Variants in IFT122 observed in about 807,000 individuals in gnomAD.
The protein encoded by IFT122 is intraflagellar transport 122, also known as intraflagellar transport protein 122 homolog.
Under a neutral mutation model 161.6 loss-of-function variants are expected in IFT122, and 118 were observed. The ratio of observed to expected loss-of-function variants is 0.73; its 90% CI spans 0.63 to 0.85. IFT122 has a LOEUF of 0.85. Ranked by LOEUF, IFT122 falls within the 40% of genes least tolerant of loss-of-function variation. The pLI, the probability that IFT122 is intolerant of heterozygous loss-of-function variation, is 0.00. For missense variants in IFT122, 1,381 were observed against 1,579.6 expected, an observed-to-expected ratio of 0.87 and a Z score of 2.13; for synonymous variants, 550 against 602.4, an observed-to-expected ratio of 0.91 and a Z score of 1.27.
At position 129,470,294 on chromosome 3, in the gene IFT122, C is replaced by T. The variant is rs536001322; in HGVS notation, c.816+877C>T. On this transcript the variant is annotated intron_variant, in intron 9 of 29. Coordinates refer to ENST00000348417, the MANE Select transcript of IFT122 (RefSeq NM_052989.3). The stretch of plus-strand genomic sequence containing the variant: ...TTTAATTTTTTTCGAGATGGAGTCT[C>T]ACTCTGTGGCCCAGGCTGGAGTGCA... 4.8e-3 allele frequency among the ~76,000 whole-genome samples: 727 copies of T among 151,968 alleles called. 3 individuals are homozygous for T. Among genetic ancestry groups the T allele is most frequent in the South Asian group, 0.011 (53 of 4,802 alleles).
chr3:129,512,416 T>G lies in IFT122; in HGVS notation c.2987+4T>G, dbSNP rs369210882. 6 of 1,583,968 alleles carry G rather than the reference T, an allele frequency of 3.8e-6. No homozygotes were observed. The highest frequency in any genetic ancestry group is 5.2e-6 in the Non-Finnish European group (6 of 1,152,556). On this transcript the variant is annotated splice_donor_region_variant and intron_variant, in intron 24 of 29. Coordinates refer to ENST00000348417, the MANE Select transcript of IFT122 (RefSeq NM_052989.3). The stretch of plus-strand genomic sequence containing the variant: ...CCCCCTCGGGCATCTCTAAAGTGTA[T>G]CCTTTCTCTTATCCCTCCTCCGTCC...
rs200474182 is a variant in IFT122 at position 129,495,563 on chromosome 3, G to A, written c.2164G>A (p.Ala722Thr). ...LYKRSGHENL[A>T]LEMYTDLCMF... ...CAAGAGGAGTGGGCACGAGAACCTCGCGCTTGAAATGTACACCGACCTCTG... is the reference window on the plus strand; with the variant it reads ...CAAGAGGAGTGGGCACGAGAACCTCACGCTTGAAATGTACACCGACCTCTG... Residue 722 changes from alanine to threonine, a missense_variant, in exon 18 of 30, where the codon GCG becomes ACG. Coordinates refer to ENST00000348417, the MANE Select transcript of IFT122 (RefSeq NM_052989.3). 57 of 1,614,162 alleles carry A rather than the reference G, an allele frequency of 3.5e-5. No homozygotes were observed. Among genetic ancestry groups the A allele is most frequent in the Non-Finnish European group, 4.7e-5 (56 of 1,180,036 alleles).
Position 129,464,794 on chromosome 3 carries a change from T to A in IFT122, c.563+13T>A, listed in dbSNP as rs766644614. ...GGAACCCTTCAAGGTACTCTTAAAG[T>A]TGTCCTCCTTCTAGAACAAACACCA... On this transcript the variant is annotated intron_variant, in intron 7 of 29. Transcript: ENST00000348417. 6.2e-7 allele frequency: 1 copy of A among 1,614,078 alleles called. No individual in the cohort carries two copies. Among genetic ancestry groups the A allele is most frequent in the African/African-American group, 1.3e-5 (1 of 75,052 alleles).
chr3:129,500,650 G>A (rs2081412364), intron 19 of IFT122, among the ~76,000 whole-genome samples: 1 of 152,228 alleles, frequency 6.6e-6, no homozygotes, highest in African/African-American at 2.4e-5. Context: ...AGAATTCCAA[G>A]AGGTAAATAG....
rs904540094 is a variant in IFT122 at position 129,449,943 on chromosome 3, A to AT, written c.108+10dup. ...CTGCCGGAAGCAGATTACTGGTAGG[A>AT]TTTTGTCTTAGTTTCCTCTTAAAGT... On this transcript the variant is annotated splice_region_variant and intron_variant, in intron 2 of 29. Transcript: ENST00000348417. The AT allele has an allele frequency of 5.6e-6, 9 of 1,599,386 alleles. No homozygotes were observed. Among genetic ancestry groups the AT allele is most frequent in the Middle Eastern group, 1.7e-4 (1 of 6,026 alleles).
chr3:129,488,492 T>C (rs569004008), intron 16 of IFT122, 95 bp downstream of exon 16: 2 of 1,530,214 alleles, frequency 1.3e-6, no homozygotes, highest in South Asian at 2.3e-5. Flanking sequence ...GGCCATAGAC[T>C]GCAGCAGTCT....
chr3:129,503,851 G>C (rs2081903167), intron 20 of IFT122: 3 of 243,420 alleles, frequency 1.2e-5, no homozygotes, highest in African/African-American at 2.3e-5. Flanking sequence ...GGTTCTCCTG[G>C]CCTGACAGGT....
intron 19 of IFT122, among the ~76,000 whole-genome samples, chr3:129,502,048 G>A (rs55728317): frequency 0.088 from 13,391 of 152,238 alleles, 659 homozygotes; most frequent in South Asian, 0.13. Context: ...ATGAGTGATG[G>A]GAGGGCTGCT....
intron 1 of IFT122, among the ~76,000 whole-genome samples, chr3:129,446,230 T>A (rs2073974768): frequency 6.6e-6 from 1 of 150,556 alleles, no homozygotes; most frequent in Admixed American, 6.6e-5. Flanking sequence ...GGTTTTTTGT[T>A]TTTTTTTTTT....
At chr3:129,464,872 CTCACCTCACTTGAATGGTCTGTTTTA>C in intron 7 of IFT122, 91 bp downstream of exon 7, 1 of 1,394,262 alleles carries the variant, frequency 7.2e-7, no homozygotes, top group Admixed American at 1.7e-5. Flanking sequence ...TCAAAGGCTT[CTCACCTCACTTGAATGGTCTGTTTTA>C]GAACCTGTCC....
At chr3:129,487,931 T>C (rs1303525242) in intron 15 of IFT122, 32 of 417,300 alleles carry the variant, frequency 7.7e-5, no homozygotes. Context: ...CAAATAGGTA[T>C]TTTCCAGAGG....
At chr3:129,516,503 TGGAGACTGCCCCTGC>T (rs2083683164) in intron 26 of IFT122, among the ~76,000 whole-genome samples, 1 of 31,986 alleles carries the variant, frequency 3.1e-5, no homozygotes, top group African/African-American at 1.4e-4. Context: ...CACACACACA[TGGAGACTGCCCCTGC>T]GTGCACACAC....
chr3:129,488,018 G>A (rs2079524092), intron 15 of IFT122: 1 of 602,978 alleles, frequency 1.7e-6, no homozygotes, highest in African/African-American at 1.8e-5. Context: ...TGGGAAGGAG[G>A]GGAGGATGGG....
chr3:129,445,224 G>A (rs369532906), intron 1 of IFT122, among the ~76,000 whole-genome samples: 19 of 152,276 alleles, frequency 1.2e-4, no homozygotes, highest in African/African-American at 4.3e-4. Flanking sequence ...TACTCAGGAG[G>A]CTAAGGCAGG....
In IFT122 at chr3:129,476,432, G is replaced by A. The variant is rs1224555930; in HGVS notation, c.934G>A (p.Val312Met). The stretch of plus-strand genomic sequence containing the variant: ...AGTATCTCTTTTCACCAAGGATGGA[G>A]TGCGGCTTGGGACTGTTGGGGAGCA... ...KQVSLFTKDG[V>M]RLGTVGEQNS... Residue 312 changes from valine to methionine, a missense_variant, in exon 10 of 30, where the codon GTG becomes ATG. By Grantham distance (21) the Val-to-Met change is conservative. Coordinates refer to ENST00000348417, the MANE Select transcript of IFT122 (RefSeq NM_052989.3). 6.2e-7 allele frequency: 1 copy of A among 1,614,166 alleles called. No homozygotes were observed. Among genetic ancestry groups the A allele is most frequent in the Admixed American group, 1.7e-5 (1 of 60,030 alleles).
At chr3:129,460,701 A>G (rs1267043287) in intron 4 of IFT122, among the ~76,000 whole-genome samples, 1 of 152,238 alleles carries the variant, frequency 6.6e-6, no homozygotes, top group African/African-American at 2.4e-5. Flanking sequence ...GGGTGTACAA[A>G]TCAACAAACA....
chr3:129,488,466 C>T (rs55991801), intron 16 of IFT122, 69 bp downstream of exon 16: 2 of 1,598,970 alleles, frequency 1.3e-6, no homozygotes, highest in Non-Finnish European at 1.7e-6. Context: ...AGATGGGGAC[C>T]CAGGTGGCAC....
chr3:129,519,122 G>A lies in IFT122; in HGVS notation c.3407G>A (p.Arg1136Gln), dbSNP rs201356347. Residue 1136 changes from arginine to glutamine, a missense_variant, in exon 28 of 30, where the codon CGG (arginine) becomes CAG (glutamine). Coordinates refer to ENST00000348417, the MANE Select transcript of IFT122 (RefSeq NM_052989.3). ...EIANNSSQIL[R>Q]LVETKDSIGD... Reference sequence around the variant, plus strand: ...ATCCCTCCAGGCTCCCAGATTCTGCGGCTAGTGGAGACCAAGGACTCCATC... The same window carrying A: ...ATCCCTCCAGGCTCCCAGATTCTGCAGCTAGTGGAGACCAAGGACTCCATC... 74 of 1,614,064 alleles carry A rather than the reference G, an allele frequency of 4.6e-5. No homozygotes were observed. The highest frequency in any genetic ancestry group is 1.8e-4 in the Admixed American group (11 of 60,024).
intron 9 of IFT122, 67 bp downstream of exon 9, chr3:129,469,484 T>A: frequency 8.4e-7 from 1 of 1,195,400 alleles, no homozygotes; most frequent in Non-Finnish European, 1.2e-6. Context: ...GAGATTCTGT[T>A]ACTATTAATT....
Sources: allele counts gnomAD v4.1 joint callset (sites outside exome capture counted in the v4.1 genomes callset), GRCh38; gene constraint gnomAD v4.1.1; transcripts MANE v1.5; gene names NCBI Gene and HGNC (gene_info 2026-07-23, HGNC 2026-07-21).